TAF4B: variants seen among roughly 807,000 people sequenced by gnomAD.
TAF4B encodes the protein transcription initiation factor TFIID subunit 4B.
Under a neutral mutation model 86.4 loss-of-function variants are expected in TAF4B, and 38 were observed. The ratio of observed to expected loss-of-function variants is 0.44; its 90% CI spans 0.34 to 0.58. The LOEUF is 0.58. Among genes scored for constraint, TAF4B ranks in the 20% least tolerant of loss-of-function variants. The pLI, the probability that TAF4B is intolerant of heterozygous loss-of-function variation, is 0.02. For synonymous variants in TAF4B, 388 were observed against 391.2 expected, an observed-to-expected ratio of 0.99 and a Z score of 0.10; for missense variants, 988 against 1,027.6, an observed-to-expected ratio of 0.96 and a Z score of 0.53.
chr18:26,314,942 G>C (rs1262237169), intron 9 of TAF4B, among the ~76,000 whole-genome samples: 1 of 152,052 alleles, frequency 6.6e-6, no homozygotes, highest in Non-Finnish European at 1.5e-5. Flanking sequence ...TCATCCTTCT[G>C]TTATTAAATA....
At chr18:26,339,457 T>C (rs890934642) in intron 13 of TAF4B, among the ~76,000 whole-genome samples, 3 of 152,078 alleles carry the variant, frequency 2.0e-5, no homozygotes, top group Non-Finnish European at 4.4e-5. Context: ...TACCAAGTGG[T>C]TGGGACCACA....
At chr18:26,383,060 A>G (rs1978299684) in intron 14 of TAF4B, among the ~76,000 whole-genome samples, 1 of 152,158 alleles carries the variant, frequency 6.6e-6, no homozygotes, top group Non-Finnish European at 1.5e-5. Context: ...AAAAAGGAAA[A>G]ATATTTTGTT....
chr18:26,324,574 T>C (rs1325133851), intron 11 of TAF4B, among the ~76,000 whole-genome samples: 2 of 152,230 alleles, frequency 1.3e-5, no homozygotes, highest in Non-Finnish European at 2.9e-5. Flanking sequence ...ATCAGTAGCG[T>C]ATTTCCAAAC....
chr18:26,365,828 CA>C (rs1435522463), intron 14 of TAF4B, among the ~76,000 whole-genome samples: 6 of 152,098 alleles, frequency 3.9e-5, no homozygotes, highest in Non-Finnish European at 7.4e-5. Context: ...CTTGCTTTAT[CA>C]CCCAGGCTGG....
In TAF4B at chr18:26,226,469, TGGCCGCGCGGCGG is replaced by T. The variant is rs1568085004; in HGVS notation, c.-459_-447del. ...CGTGGCTATATAAACATGGCTGGCG[TGGCCGCGCGGCGG>T]GGCCGTGCCAATCGCGCGTAGGGGG... On this transcript the variant is annotated 5_prime_UTR_variant, in exon 1 of 15. It removes the in-frame stop codon of an upstream open reading frame in the 5' UTR. Coordinates refer to ENST00000269142, the MANE Select transcript of TAF4B (RefSeq NM_005640.3). The T allele has an allele frequency of 2.0e-5, 3 of 152,570 alleles. No individual in the cohort carries two copies. Among genetic ancestry groups the T allele is most frequent in the South Asian group, 2.1e-4 (1 of 4,830 alleles). 9.5% of individuals were successfully genotyped at this position (152,570 alleles called of 1,614,324 possible).
intron 14 of TAF4B, among the ~76,000 whole-genome samples, chr18:26,366,100 T>C (rs2057369726): frequency 6.6e-6 from 1 of 152,178 alleles, no homozygotes; most frequent in African/African-American, 2.4e-5. Flanking sequence ...TATTATTTTA[T>C]TTTTATTTCT....
At chr18:26,383,769 C>T (rs2144393774) in intron 14 of TAF4B, among the ~76,000 whole-genome samples, 1 of 152,094 alleles carries the variant, frequency 6.6e-6, no homozygotes, top group Admixed American at 6.5e-5. Context: ...TGAAATGGGG[C>T]AGAAGTTAAC....
At position 26,267,635 on chromosome 18, in the gene TAF4B, T is replaced by A. The variant is rs569334602; in HGVS notation, c.597+12T>A. The A allele has an allele frequency of 2.0e-5, 32 of 1,561,554 alleles. No individual in the cohort carries two copies. In the African/African-American group the frequency reaches 3.6e-4, roughly 18 times the overall value. On this transcript the variant is annotated intron_variant, in intron 3 of 14. Transcript: ENST00000269142. ...CTTCCTCAGTACAAGTAAGTTGTGC[T>A]GGCCATTCGTGCACTTGTTGTTCTC...
intron 14 of TAF4B, among the ~76,000 whole-genome samples, chr18:26,376,941 T>G (rs2057446950): frequency 6.6e-6 from 1 of 151,974 alleles, no homozygotes; most frequent in African/African-American, 2.4e-5. Context: ...ATGATCGTGC[T>G]TTTTTTTCCC....
intron 5 of TAF4B, among the ~76,000 whole-genome samples, chr18:26,276,448 C>T (rs1024172850): frequency 5.3e-5 from 8 of 152,074 alleles, no homozygotes; most frequent in Admixed American, 2.0e-4. Context: ...TCTCTCACCA[C>T]GTAATTAGAA....
chr18:26,331,162 T>C (rs2057047367), intron 12 of TAF4B, among the ~76,000 whole-genome samples: 1 of 152,248 alleles, frequency 6.6e-6, no homozygotes, highest in Non-Finnish European at 1.5e-5. Flanking sequence ...AAAGATGCTC[T>C]TTCTTGAGCC....
chr18:26,339,731 G>A (rs2057121913), intron 13 of TAF4B, among the ~76,000 whole-genome samples: 2 of 152,210 alleles, frequency 1.3e-5, no homozygotes, highest in Admixed American at 1.3e-4. Flanking sequence ...TGTGTGTTAT[G>A]TGTCCTAGAT....
intron 1 of TAF4B, among the ~76,000 whole-genome samples, chr18:26,263,380 G>A (rs543755657): frequency 1.3e-4 from 20 of 152,220 alleles, no homozygotes; most frequent in East Asian, 5.8e-4. Flanking sequence ...TTAGAATTCC[G>A]TTGATACACG....
intron 9 of TAF4B, among the ~76,000 whole-genome samples, chr18:26,308,775 G>C (rs1353994565): frequency 6.7e-6 from 1 of 150,170 alleles, no homozygotes; most frequent in Non-Finnish European, 1.5e-5. Context: ...GGGAGGCTGG[G>C]ACAGGGGAAT....
intron 10 of TAF4B, among the ~76,000 whole-genome samples, chr18:26,315,668 A>G (rs577395930): frequency 6.2e-4 from 93 of 151,084 alleles, no homozygotes; most frequent in African/African-American, 2.2e-3. Context: ...ATAATATACT[A>G]TTTTTTTTTC....
chr18:26,321,830 C>T (rs568187620), intron 11 of TAF4B, among the ~76,000 whole-genome samples: 1 of 152,144 alleles, frequency 6.6e-6, no homozygotes, highest in South Asian at 2.1e-4. Flanking sequence ...TCCACTTGTT[C>T]ATCCTCTGTT....
intron 14 of TAF4B, among the ~76,000 whole-genome samples, chr18:26,370,952 C>T (rs2057402250): frequency 6.6e-6 from 1 of 152,044 alleles, no homozygotes; most frequent in Non-Finnish European, 1.5e-5. Context: ...AATTGGGATG[C>T]TAGAGTGGAT....
At chr18:26,259,146 G>A (rs1314666206) in intron 1 of TAF4B, among the ~76,000 whole-genome samples, 1 of 151,118 alleles carries the variant, frequency 6.6e-6, no homozygotes, top group Non-Finnish European at 1.5e-5. Flanking sequence ...CCAAATTTGG[G>A]AAGCTTTCAG....
At chr18:26,382,430 G>T (rs1272347776) in intron 14 of TAF4B, among the ~76,000 whole-genome samples, 1 of 151,928 alleles carries the variant, frequency 6.6e-6, no homozygotes, top group African/African-American at 2.4e-5. Flanking sequence ...TCCTTGGTGG[G>T]CTGAAGCACT....
Sources: allele counts gnomAD v4.1 joint callset (sites outside exome capture counted in the v4.1 genomes callset), GRCh38; gene constraint gnomAD v4.1.1; transcripts MANE v1.5; gene names NCBI Gene and HGNC (gene_info 2026-07-23, HGNC 2026-07-21).